Variants in METTL8 observed in about 807,000 individuals in gnomAD.
METTL8 encodes tRNA N(3)-cytidine methyltransferase METTL8, mitochondrial.
METTL8 carries 32 observed loss-of-function variants against 48.7 expected under a neutral mutation model. The observed-to-expected ratio is 0.66, with a 90% CI of 0.50 to 0.88. METTL8 has a LOEUF of 0.88. Ranked by LOEUF, METTL8 falls within the 40% of genes least tolerant of loss-of-function variation. The pLI is 0.00. For synonymous variants in METTL8, 136 were observed against 157.1 expected (o/e 0.87, Z 1.01); for missense variants, 464 against 474.4 (o/e 0.98, Z 0.20).
At chr2:171,341,081 G>T (rs1686700037) in intron 3 of METTL8, among the ~76,000 whole-genome samples, 1 of 152,124 alleles carries the variant, frequency 6.6e-6, no homozygotes, top group Non-Finnish European at 1.5e-5. Context: ...TGTAATCCCA[G>T]CACTTTGGGA....
intron 2 of METTL8, among the ~76,000 whole-genome samples, chr2:171,384,363 AGCTAGCCATGGTGACACAC>A: frequency 6.6e-6 from 1 of 152,068 alleles, no homozygotes; most frequent in East Asian, 1.9e-4. Flanking sequence ...CAAAAAAATT[AGCTAGCCATGGTGACACAC>A]GCCTGTAGTA....
At chr2:171,373,324 T>A (rs1334010757) in intron 2 of METTL8, among the ~76,000 whole-genome samples, 1 of 152,170 alleles carries the variant, frequency 6.6e-6, no homozygotes, top group Admixed American at 6.5e-5. Context: ...CACTTTTTGA[T>A]GGGGTTGTTT....
chr2:171,332,113 T>C (rs888265184), intron 5 of METTL8: 6 of 353,350 alleles, frequency 1.7e-5, no homozygotes, highest in Non-Finnish European at 3.2e-5. Context: ...CTTGAACTAT[T>C]GTTCTCAAAT....
chr2:171,383,157 A>AG (rs1326914907), intron 2 of METTL8, among the ~76,000 whole-genome samples: 1 of 152,180 alleles, frequency 6.6e-6, no homozygotes, highest in African/African-American at 2.4e-5. Context: ...TATATGAAAC[A>AG]GGGCAAGAGG....
At position 171,432,527 on chromosome 2, in the gene METTL8, A is replaced by C. The variant is rs375308118; in HGVS notation, c.-13+1356T>G. Among the ~76,000 whole-genome samples, 20 of 152,344 alleles carry C rather than the reference A, an allele frequency of 1.3e-4. No individual in the cohort carries two copies. In the East Asian group the frequency reaches 3.3e-3, roughly 25 times the overall value. ...AATGATTTGAATTTCATTTAAGCCAAAGAAAACCCAGTTATCTTTTCTGGG... is the reference window on the plus strand; with the variant it reads ...AATGATTTGAATTTCATTTAAGCCACAGAAAACCCAGTTATCTTTTCTGGG... On this transcript the variant is annotated intron_variant, in intron 1 of 9. Coordinates refer to ENST00000375258, the MANE Select transcript of METTL8 (RefSeq NM_001321154.2).
chr2:171,337,747 C>T (rs555448408), intron 4 of METTL8, among the ~76,000 whole-genome samples: 3 of 149,928 alleles, frequency 2.0e-5, no homozygotes, highest in South Asian at 2.1e-4. Context: ...ATAACCAATA[C>T]GCTGTGAAGA....
At chr2:171,420,489 G>A (rs572378306) in intron 1 of METTL8, among the ~76,000 whole-genome samples, 2 of 152,228 alleles carry the variant, frequency 1.3e-5, no homozygotes, top group African/African-American at 4.8e-5. Flanking sequence ...CAAATTAGGT[G>A]AACTTTATAC....
chr2:171,425,577 G>A (rs1692321448), intron 1 of METTL8, among the ~76,000 whole-genome samples: 1 of 152,210 alleles, frequency 6.6e-6, no homozygotes, highest in African/African-American at 2.4e-5. Flanking sequence ...TAGCTGCTAG[G>A]AATGGAATTG....
intron 9 of METTL8, among the ~76,000 whole-genome samples, chr2:171,324,795 C>T (rs536280454): frequency 1.3e-4 from 20 of 152,264 alleles, no homozygotes; most frequent in South Asian, 2.1e-4. Context: ...GGCATGGTGG[C>T]TCACGCCTGT....
intron 3 of METTL8, among the ~76,000 whole-genome samples, chr2:171,348,590 G>T (rs533526327): frequency 6.6e-6 from 1 of 152,212 alleles, no homozygotes; most frequent in South Asian, 2.1e-4. Flanking sequence ...CAGAATAGTG[G>T]CTCTTATGGG....
At chr2:171,347,371 C>T (rs1301235233) in intron 3 of METTL8, among the ~76,000 whole-genome samples, 1 of 152,150 alleles carries the variant, frequency 6.6e-6, no homozygotes, top group East Asian at 1.9e-4. Flanking sequence ...TTTTCCTTTA[C>T]TGCGGTTTCC....
intron 3 of METTL8, among the ~76,000 whole-genome samples, chr2:171,343,146 T>C (rs1416407207): frequency 1.3e-5 from 2 of 152,020 alleles, no homozygotes; most frequent in African/African-American, 4.8e-5. Flanking sequence ...AATTTAAAAA[T>C]AAAAGATAAT....
chr2:171,334,957 G>A (rs1289749231), intron 5 of METTL8, among the ~76,000 whole-genome samples: 3 of 152,108 alleles, frequency 2.0e-5, no homozygotes, highest in Non-Finnish European at 4.4e-5. Context: ...GAGAGACAAG[G>A]CATAAATAAA....
rs1444780584 is a variant in METTL8 at position 171,336,858 on chromosome 2, TTCC to T, written c.656+592_656+594del. On this transcript the variant is annotated intron_variant, in intron 5 of 9. Transcript: ENST00000375258. ...CAGCTCAGTGGAAGGATGAAATCAC[TTCC>T]TCTTTTTTTTTTTTTTTTTTTTTTT... Among the ~76,000 whole-genome samples, 32 of 146,970 alleles carry T rather than the reference TTCC, an allele frequency of 2.2e-4. 1 individual carries two copies. The highest frequency in any genetic ancestry group is 4.2e-4 in the Non-Finnish European group (28 of 66,932).
At chr2:171,355,009 C>T (rs1022099051) in intron 3 of METTL8, among the ~76,000 whole-genome samples, 6 of 152,182 alleles carry the variant, frequency 3.9e-5, no homozygotes, top group South Asian at 2.1e-4. Context: ...CCATTGCTGG[C>T]GAGGAACCGC....
chr2:171,430,540 A>G (rs1039228064), intron 1 of METTL8, among the ~76,000 whole-genome samples: 1 of 152,154 alleles, frequency 6.6e-6, no homozygotes, highest in Non-Finnish European at 1.5e-5. Flanking sequence ...TATAATAAAA[A>G]TAAATAAATA....
At chr2:171,427,929 T>C (rs1692582371) in intron 1 of METTL8, among the ~76,000 whole-genome samples, 1 of 152,226 alleles carries the variant, frequency 6.6e-6, no homozygotes, top group African/African-American at 2.4e-5. Flanking sequence ...TAGTTAAAAT[T>C]TGTCTCTGAA....
At chr2:171,360,788 G>A (rs564438946) in intron 2 of METTL8, among the ~76,000 whole-genome samples, 2 of 152,240 alleles carry the variant, frequency 1.3e-5, no homozygotes, top group African/African-American at 2.4e-5. Context: ...AGAACACCCT[G>A]GTGTATGACT....
intron 1 of METTL8, among the ~76,000 whole-genome samples, chr2:171,427,674 C>T (rs1025014501): frequency 6.6e-6 from 1 of 152,208 alleles, no homozygotes; most frequent in Non-Finnish European, 1.5e-5. Flanking sequence ...AACGGCCTTC[C>T]CTGACCACTC....
Sources: allele counts gnomAD v4.1 joint callset (sites outside exome capture counted in the v4.1 genomes callset), GRCh38; gene constraint gnomAD v4.1.1; transcripts MANE v1.5; gene names NCBI Gene and HGNC (gene_info 2026-07-23, HGNC 2026-07-21).